TAX1BP1: variants seen among roughly 807,000 people sequenced by gnomAD.
The protein encoded by TAX1BP1 is Tax1 binding protein 1, also known as tax1-binding protein 1.
TAX1BP1 carries 62 observed loss-of-function variants against 97.7 expected under a neutral mutation model. That is an observed-to-expected ratio of 0.63 (90% confidence interval 0.52 to 0.78). The LOEUF (loss-of-function observed/expected upper bound fraction) is 0.78. TAX1BP1 is among the 30% of genes least tolerant of loss of function. TAX1BP1 has a pLI of 0.00. For synonymous variants in TAX1BP1, 340 were observed against 304.2 expected (o/e 1.12, Z -1.23); for missense variants, 867 against 916.1 (o/e 0.95, Z 0.69).
chr7:27,812,995 A>C (rs1790616347), intron 13 of TAX1BP1, among the ~76,000 whole-genome samples: 1 of 152,188 alleles, frequency 6.6e-6, no homozygotes, highest in Non-Finnish European at 1.5e-5. Context: ...GTGGCCTACA[A>C]AGGTGAAAAT....
At chr7:27,825,738 A>T (rs192719445) in intron 15 of TAX1BP1, among the ~76,000 whole-genome samples, 1 of 152,150 alleles carries the variant, frequency 6.6e-6, no homozygotes, top group Non-Finnish European at 1.5e-5. Flanking sequence ...TACAAACTCT[A>T]CTGTTAGCTG....
At position 27,827,046 on chromosome 7, in the gene TAX1BP1, G is replaced by A. The variant is rs567547300; in HGVS notation, c.2086-692G>A. Reference sequence around the variant, plus strand: ...AAATGAGAACGTTTGGGACAATAATGCAGTCTGACAGTATTGAAAGTAGGG... The same window carrying A: ...AAATGAGAACGTTTGGGACAATAATACAGTCTGACAGTATTGAAAGTAGGG... On this transcript the variant is annotated intron_variant, in intron 15 of 16. Coordinates refer to ENST00000396319, the MANE Select transcript of TAX1BP1 (RefSeq NM_006024.7). 1.4e-3 allele frequency among the ~76,000 whole-genome samples: 220 copies of A among 152,306 alleles called. 1 individual carries two copies. Among genetic ancestry groups the A allele is most frequent in the Non-Finnish European group, 1.2e-3 (85 of 68,034 alleles).
At chr7:27,768,613 C>G (rs1235918428) in intron 4 of TAX1BP1, among the ~76,000 whole-genome samples, 1 of 151,888 alleles carries the variant, frequency 6.6e-6, no homozygotes, top group African/African-American at 2.4e-5. Flanking sequence ...GGGTGATATA[C>G]TTGCCTGGTT....
chr7:27,784,162 T>G (rs749010401), intron 5 of TAX1BP1, among the ~76,000 whole-genome samples: 2 of 152,196 alleles, frequency 1.3e-5, no homozygotes, highest in African/African-American at 2.4e-5. Flanking sequence ...TACTTTTAAC[T>G]TGGCAGAACG....
intron 8 of TAX1BP1, among the ~76,000 whole-genome samples, chr7:27,787,933 A>T (rs970773721): frequency 2.0e-5 from 3 of 152,124 alleles, no homozygotes; most frequent in Non-Finnish European, 4.4e-5. Flanking sequence ...CTAAGAATTT[A>T]GCACTGATTG....
chr7:27,803,251 C>T (rs1790205996), intron 13 of TAX1BP1: 2 of 1,320,370 alleles, frequency 1.5e-6, no homozygotes, highest in South Asian at 4.1e-5. Context: ...TATGAAGAGA[C>T]ACATTTTGAA....
chr7:27,772,867 G>A (rs1056775231), intron 5 of TAX1BP1, among the ~76,000 whole-genome samples: 3 of 151,886 alleles, frequency 2.0e-5, no homozygotes, highest in Admixed American at 1.3e-4. Flanking sequence ...ATTACATATT[G>A]TATTTCCCCT....
In TAX1BP1 at chr7:27,766,364, G is replaced by A. The variant is rs1028184123; in HGVS notation, c.453+343G>A. Among the ~76,000 whole-genome samples the A allele has an allele frequency of 3.6e-5, 5 of 140,436 alleles. No homozygotes were observed. The Admixed American group carries it at 3.7e-4, about 10-fold the overall frequency. 92.1% of individuals were successfully genotyped at this position (140,436 alleles called of 152,430 possible). ...GAACCCGGGAGGCAGAGCTTGCAGT[G>A]AGCCAAGATCGTGCCACTGCACTCC... On this transcript the variant is annotated intron_variant, in intron 4 of 16. Transcript: ENST00000396319.
chr7:27,773,620 A>G (rs866271092), intron 5 of TAX1BP1, among the ~76,000 whole-genome samples: 2 of 152,072 alleles, frequency 1.3e-5, no homozygotes, highest in Admixed American at 6.6e-5. Flanking sequence ...GTTGTAATAT[A>G]TATTGTTAAT....
intron 2 of TAX1BP1, among the ~76,000 whole-genome samples, chr7:27,750,857 C>T (rs1024548312): frequency 6.6e-6 from 1 of 152,088 alleles, no homozygotes; most frequent in Non-Finnish European, 1.5e-5. Flanking sequence ...TTCATGCCTT[C>T]CATATTTTTT....
intron 5 of TAX1BP1, among the ~76,000 whole-genome samples, chr7:27,784,723 G>A (rs566077429): frequency 6.6e-6 from 1 of 152,230 alleles, no homozygotes; most frequent in Admixed American, 6.5e-5. Flanking sequence ...ACGAATCATT[G>A]CTCATGCCTG....
chr7:27,783,759 A>G (rs1789355021), intron 5 of TAX1BP1, among the ~76,000 whole-genome samples: 1 of 152,180 alleles, frequency 6.6e-6, no homozygotes, highest in South Asian at 2.1e-4. Flanking sequence ...ACTGGTGGTA[A>G]AACTAAAAAT....
Position 27,765,935 on chromosome 7 carries a change from T to G in TAX1BP1, c.367T>G (p.Ser123Ala), listed in dbSNP as rs372106777. The change falls in exon 4 of 17, where the codon TCT (serine) becomes GCT (alanine). Residue 123 changes from serine (S) to alanine (A), a missense_variant. By Grantham distance (99) the Ser-to-Ala change is moderately conservative (BLOSUM62 1). Coordinates refer to ENST00000396319, the MANE Select transcript of TAX1BP1 (RefSeq NM_006024.7). Reference protein sequence around the residue: ...GASTPFQFRASSPVEELLTME... With the variant: ...GASTPFQFRAASPVEELLTME... ...AAGTACACCTTTCCAGTTTCGAGCT[T>G]CTTCTCCAGTTGAAGAGCTGCTTAC... 3.3e-5 allele frequency: 54 copies of G among 1,614,064 alleles called. No homozygotes were observed. The highest frequency in any genetic ancestry group is 1.1e-4 in the East Asian group (5 of 44,898).
chr7:27,740,688 C>A lies in TAX1BP1; in HGVS notation c.-8+419C>A, dbSNP rs566677363. The stretch of plus-strand genomic sequence containing the variant: ...TTGAGGGCAGTGTGGGTTTTACCGG[C>A]GCAGTAAGCTGAGAAAACACGTAGG... On this transcript the variant is annotated intron_variant, in intron 1 of 16. Transcript: ENST00000396319. Among the ~76,000 whole-genome samples the A allele has an allele frequency of 3.3e-5, 5 of 152,262 alleles. No individual in the cohort carries two copies. In the South Asian group the frequency reaches 1.0e-3, roughly 32 times the overall value.
At chr7:27,814,812 T>A (rs1390697565) in intron 13 of TAX1BP1, among the ~76,000 whole-genome samples, 1 of 152,106 alleles carries the variant, frequency 6.6e-6, no homozygotes, top group Non-Finnish European at 1.5e-5. Context: ...CTCGGCTCAC[T>A]GTAACCTCCA....
At chr7:27,749,733 A>G (rs955705346) in intron 2 of TAX1BP1, among the ~76,000 whole-genome samples, 7 of 152,208 alleles carry the variant, frequency 4.6e-5, no homozygotes, top group African/African-American at 1.4e-4. Flanking sequence ...GGCTTGTCAA[A>G]TCCCAAAATG....
chr7:27,821,545 G>A (rs549097836), intron 15 of TAX1BP1, among the ~76,000 whole-genome samples: 1 of 150,836 alleles, frequency 6.6e-6, no homozygotes, highest in South Asian at 2.1e-4. Context: ...TGAGGCATGA[G>A]AATTGTTTGA....
intron 8 of TAX1BP1, among the ~76,000 whole-genome samples, chr7:27,790,697 T>C (rs1215595736): frequency 2.0e-5 from 3 of 152,122 alleles, no homozygotes; most frequent in East Asian, 1.9e-4. Flanking sequence ...TGGAAACTTA[T>C]GGAAATAAAA....
rs149225357 is a variant in TAX1BP1 at position 27,760,700 on chromosome 7, T to G, written c.265+2567T>G. 2.6e-3 allele frequency among the ~76,000 whole-genome samples: 397 copies of G among 152,246 alleles called. 1 individual carries two copies. Among genetic ancestry groups the G allele is most frequent in the African/African-American group, 9.1e-3 (377 of 41,530 alleles). On this transcript the variant is annotated intron_variant, in intron 3 of 16. Coordinates refer to ENST00000396319, the MANE Select transcript of TAX1BP1 (RefSeq NM_006024.7). ...TGAGCCGCCGCACCTGGCTGAAAAA[T>G]TTTTACAGTGATCCCTCCCTTGAGT...
Sources: gnomAD v4.1 joint callset for allele counts (sites outside exome capture counted in the v4.1 genomes callset) on GRCh38, gnomAD v4.1.1 for gene constraint, MANE v1.5 for transcripts, NCBI Gene and HGNC (gene_info 2026-07-23, HGNC 2026-07-21) for gene names.